GSE1: variants seen among roughly 807,000 people sequenced by gnomAD.
GSE1 encodes genetic suppressor element 1.
In GSE1, 32 loss-of-function variants were observed where a neutral mutation model predicts 112.6. That is an observed-to-expected ratio of 0.28 (90% confidence interval 0.21 to 0.38). The LOEUF (loss-of-function observed/expected upper bound fraction) is 0.38. GSE1 is among the 10% of genes least tolerant of loss of function. GSE1 has a pLI of 1.00. For missense variants in GSE1, 2,348 were observed against 1,699.2 expected, an observed-to-expected ratio of 1.38 and a Z score of -6.71; for synonymous variants, 1,115 against 735.6, an observed-to-expected ratio of 1.52 and a Z score of -8.35.
chr16:85,170,831 T>A, exon 1 of GSE1: 1 of 985,568 alleles, frequency 1.0e-6, no homozygotes, highest in Non-Finnish European at 1.2e-6. Flanking sequence ...TGGCAGAGCT[T>A]CGAGCTGGCC....
intron 1 of GSE1, among the ~76,000 whole-genome samples, chr16:85,291,559 G>C (rs1375009321): frequency 2.0e-5 from 3 of 152,202 alleles, no homozygotes; most frequent in African/African-American, 4.8e-5. Flanking sequence ...TCCCCACAGG[G>C]CTCAGGGCCG....
intron 2 of GSE1, among the ~76,000 whole-genome samples, chr16:85,358,872 C>A (rs2047007568): frequency 6.6e-6 from 1 of 152,200 alleles, no homozygotes; most frequent in Admixed American, 6.5e-5. Flanking sequence ...CTCCTGATCA[C>A]AAAAGCCAGG....
At chr16:85,639,006 A>G (rs2050228925) in intron 2 of GSE1, among the ~76,000 whole-genome samples, 2 of 152,146 alleles carry the variant, frequency 1.3e-5, no homozygotes, top group Admixed American at 6.5e-5. Context: ...GGCCCCACGC[A>G]GAACATTCTA....
At chr16:85,314,069 G>C (rs138285554) in intron 1 of GSE1, among the ~76,000 whole-genome samples, 14 of 151,836 alleles carry the variant, frequency 9.2e-5, no homozygotes, top group African/African-American at 3.4e-4. Flanking sequence ...GTGTGTATAA[G>C]ACATAGCCAT....
upstream of GSE1, among the ~76,000 whole-genome samples, chr16:85,607,130 C>A (rs1032857761): frequency 6.6e-6 from 1 of 151,818 alleles, no homozygotes; most frequent in Non-Finnish European, 1.5e-5. Context: ...GGCTCCTGGG[C>A]CAGCTCTGGA....
At chr16:85,213,906 G>A (rs182544627) in intron 1 of GSE1, among the ~76,000 whole-genome samples, 189 of 152,348 alleles carry the variant, frequency 1.2e-3, no homozygotes, top group African/African-American at 4.4e-3. Flanking sequence ...GGTCAGTCAC[G>A]TGGGAACAGA....
intron 4 of GSE1, 67 bp downstream of exon 4, chr16:85,654,517 C>T: frequency 7.3e-7 from 1 of 1,372,870 alleles, no homozygotes; most frequent in Non-Finnish European, 1.0e-6. Flanking sequence ...GGTCTGGGTC[C>T]CCAGGCAGCC....
chr16:85,267,588 C>T (rs144563674), intron 1 of GSE1, among the ~76,000 whole-genome samples: 1 of 152,278 alleles, frequency 6.6e-6, no homozygotes, highest in East Asian at 1.9e-4. Context: ...CCAGCACCTG[C>T]TGCAACAAGT....
intron 1 of GSE1, among the ~76,000 whole-genome samples, chr16:85,324,784 G>A (rs1481459228): frequency 6.6e-6 from 1 of 152,108 alleles, no homozygotes; most frequent in Admixed American, 6.5e-5. Context: ...GGCTGGCAGG[G>A]CCTGGGGAAG....
chr16:85,404,014 G>A (rs1021163531), intron 2 of GSE1, among the ~76,000 whole-genome samples: 5 of 72,512 alleles, frequency 6.9e-5, no homozygotes, highest in East Asian at 9.6e-4. Context: ...TCTCTGTGCC[G>A]TCCTTACGGG....
chr16:85,539,554 C>T (rs2044448763), intron 2 of GSE1, among the ~76,000 whole-genome samples: 1 of 152,102 alleles, frequency 6.6e-6, no homozygotes, highest in Admixed American at 6.6e-5. Flanking sequence ...GTGGGGGGTG[C>T]TTGTTTTGGC....
At chr16:85,368,901 G>A (rs1024740248) in intron 2 of GSE1, among the ~76,000 whole-genome samples, 1 of 152,126 alleles carries the variant, frequency 6.6e-6, no homozygotes, top group Non-Finnish European at 1.5e-5. Context: ...AGGGCTGCGG[G>A]CTCCCTGAGT....
chr16:85,646,255 A>G (rs1170913743), intron 2 of GSE1, among the ~76,000 whole-genome samples: 8 of 150,234 alleles, frequency 5.3e-5, no homozygotes, highest in African/African-American at 1.8e-4. Context: ...TCTACCACGC[A>G]TTCTACTTGC....
At chr16:85,231,961 G>A (rs1258962862) in intron 1 of GSE1, among the ~76,000 whole-genome samples, 2 of 152,174 alleles carry the variant, frequency 1.3e-5, no homozygotes, top group African/African-American at 2.4e-5. Context: ...TTTTCTGACC[G>A]CCATGAATGC....
In GSE1 at chr16:85,536,166, G is replaced by C. The variant is rs575941617; in HGVS notation, c.2465-97748G>C. On this transcript the variant is annotated intron_variant, in intron 2 of 2. Transcript: ENST00000637419. ...CACCTCTAGCGATTAATGGGTTTTG[G>C]CCAGGTCACCAACAAGGCTTCTGTG... is the stretch of plus-strand genomic sequence containing the variant. Among the ~76,000 whole-genome samples the C allele has an allele frequency of 2.6e-5, 4 of 152,356 alleles. No individual in the cohort carries two copies. The South Asian group carries it at 8.3e-4, about 32-fold the overall frequency.
At chr16:85,475,941 T>C (rs12445923) in intron 2 of GSE1, among the ~76,000 whole-genome samples, 2 of 151,974 alleles carry the variant, frequency 1.3e-5, no homozygotes, top group Admixed American at 6.6e-5. Context: ...ATTATCGTTG[T>C]TATTATTGAG....
chr16:85,310,626 G>T (rs1024586029), intron 1 of GSE1, among the ~76,000 whole-genome samples: 1 of 152,008 alleles, frequency 6.6e-6, no homozygotes, highest in Non-Finnish European at 1.5e-5. Context: ...TGACACCTGG[G>T]CATCCTCTCT....
chr16:85,284,627 C>A (rs2044961619), intron 1 of GSE1, among the ~76,000 whole-genome samples: 1 of 152,226 alleles, frequency 6.6e-6, no homozygotes, highest in Non-Finnish European at 1.5e-5. Context: ...TGGTGAGAAC[C>A]TGCTAACTGG....
At chr16:85,437,261 CCAAA>C (rs2049270879) in intron 2 of GSE1, among the ~76,000 whole-genome samples, 1 of 152,148 alleles carries the variant, frequency 6.6e-6, no homozygotes, top group Non-Finnish European at 1.5e-5. Flanking sequence ...TGCACGCCCT[CCAAA>C]CAATCTTCAA....
Sources: allele counts gnomAD v4.1 joint callset (sites outside exome capture counted in the v4.1 genomes callset), GRCh38; gene constraint gnomAD v4.1.1; transcripts MANE v1.5; gene names NCBI Gene and HGNC (gene_info 2026-07-23, HGNC 2026-07-21).